EPHA5: variants seen among roughly 807,000 people sequenced by gnomAD.
EPHA5 encodes ephrin type-A receptor 5.
A neutral mutation model predicts 105.0 loss-of-function variants in EPHA5; 60 were observed. That is an observed-to-expected ratio of 0.57 (90% CI 0.46 to 0.71). The LOEUF is 0.71. Among genes scored for constraint, EPHA5 ranks in the 30% least tolerant of loss-of-function variants. EPHA5 has a pLI of 0.00. For synonymous variants in EPHA5, 513 were observed against 449.1 expected (o/e 1.14, Z -1.80); for missense variants, 1,218 against 1,274.7 (o/e 0.96, Z 0.68).
chr4:65,540,786 C>G (rs1393862212), intron 3 of EPHA5, among the ~76,000 whole-genome samples: 1 of 149,948 alleles, frequency 6.7e-6, no homozygotes, highest in East Asian at 1.9e-4. Flanking sequence ...TCTCTTCCCC[C>G]ATCCCCTCTC....
chr4:65,320,146 T>C lies in EPHA5; in HGVS notation c.*3968A>G, dbSNP rs1225046592. 1 of 230,232 alleles carries C rather than the reference T, an allele frequency of 4.3e-6. No homozygotes were observed. Among genetic ancestry groups the C allele is most frequent in the Non-Finnish European group, 8.6e-6 (1 of 116,164 alleles). 14.3% of individuals were successfully genotyped at this position (230,232 alleles called of 1,614,324 possible). On this transcript the variant is annotated 3_prime_UTR_variant, in exon 17 of 17. Coordinates refer to ENST00000613740, the MANE Select transcript of EPHA5 (RefSeq NM_001281766.3). ...ATTTATGTGTGAAAAGATTTCTTCA[T>C]AAATGAATAAGAAATGAAAAGAAAG... is the stretch of plus-strand genomic sequence containing the variant.
At chr4:65,556,276 C>T (rs1178974660) in intron 3 of EPHA5, among the ~76,000 whole-genome samples, 1 of 152,068 alleles carries the variant, frequency 6.6e-6, no homozygotes, top group African/African-American at 2.4e-5. Context: ...ACTGTGATGT[C>T]AATAAAATGT....
In EPHA5 at chr4:65,518,125, T is replaced by A. The variant is rs1376404469; in HGVS notation, c.911-22582A>T. On this transcript the variant is annotated intron_variant, in intron 3 of 16. Coordinates refer to ENST00000613740, the MANE Select transcript of EPHA5 (RefSeq NM_001281766.3). ...TTAAAAGTTTGAAGAACTAATTATTTCACCTTTGAAAAGCTGTGACATTTC... is the reference window on the plus strand; with the variant it reads ...TTAAAAGTTTGAAGAACTAATTATTACACCTTTGAAAAGCTGTGACATTTC... Among the ~76,000 whole-genome samples the A allele has an allele frequency of 1.1e-4, 17 of 152,076 alleles. 1 individual carries two copies. The East Asian group carries it at 3.3e-3, about 29-fold the overall frequency.
At chr4:65,331,612 T>G in intron 16 of EPHA5, 1 of 1,070,098 alleles carries the variant, frequency 9.3e-7, no homozygotes, top group Non-Finnish European at 1.1e-6. Flanking sequence ...ACACCAATTG[T>G]GCTTACAGTT....
chr4:65,419,967 A>C (rs1249867767), intron 6 of EPHA5, among the ~76,000 whole-genome samples: 1 of 152,214 alleles, frequency 6.6e-6, no homozygotes, highest in African/African-American at 2.4e-5. Flanking sequence ...AAATTTAAAC[A>C]TAAATTTTAT....
intron 15 of EPHA5, 33 bp downstream of exon 15, chr4:65,335,899 A>G (rs1488023318): frequency 6.4e-7 from 1 of 1,556,908 alleles, no homozygotes; most frequent in Admixed American, 1.9e-5. Flanking sequence ...AGTTAGCTAC[A>G]TTCTGGAAAA....
At chr4:65,415,510 T>C (rs190625027) in intron 6 of EPHA5, among the ~76,000 whole-genome samples, 204 of 152,200 alleles carry the variant, frequency 1.3e-3, no homozygotes, top group African/African-American at 4.8e-3. Context: ...ACCATTCCTT[T>C]TGTAATATGT....
rs1360299859 is a variant in EPHA5 at position 65,322,170 on chromosome 4, T to G, written c.*1944A>C. On this transcript the variant is annotated 3_prime_UTR_variant, in exon 17 of 17. Coordinates refer to ENST00000613740, the MANE Select transcript of EPHA5 (RefSeq NM_001281766.3). The stretch of plus-strand genomic sequence containing the variant: ...TGGACCCATGGTATATAGCCCTTAT[T>G]ATTATGAGAACTGAATGTATTATTT... The G allele has an allele frequency of 4.5e-6, 1 of 224,542 alleles. No individual in the cohort carries two copies. Among genetic ancestry groups the G allele is most frequent in the Non-Finnish European group, 8.9e-6 (1 of 112,542 alleles). 13.9% of individuals were successfully genotyped at this position (224,542 alleles called of 1,614,324 possible).
chr4:65,530,628 C>A (rs1005207608), intron 3 of EPHA5, among the ~76,000 whole-genome samples: 5 of 152,032 alleles, frequency 3.3e-5, no homozygotes, highest in African/African-American at 9.7e-5. Context: ...ATGTGGATAG[C>A]GAAGAAAATG....
chr4:65,467,326 G>T (rs1315358747), intron 5 of EPHA5, among the ~76,000 whole-genome samples: 1 of 152,052 alleles, frequency 6.6e-6, no homozygotes. Context: ...TGCAAAACTG[G>T]CCCCAATTCT....
At chr4:65,326,031 CATATAT>C (rs1011724770) in intron 16 of EPHA5, among the ~76,000 whole-genome samples, 1 of 146,232 alleles carries the variant, frequency 6.8e-6, no homozygotes, top group East Asian at 2.0e-4. Flanking sequence ...ATATATATCT[CATATAT>C]ATATGTATAT....
At chr4:65,541,040 C>T (rs542048337) in intron 3 of EPHA5, among the ~76,000 whole-genome samples, 4 of 151,390 alleles carry the variant, frequency 2.6e-5, no homozygotes, top group African/African-American at 9.7e-5. Context: ...TCTCTGTCTG[C>T]ACCTCCCTCC....
rs532786450 is a variant in EPHA5 at position 65,545,375 on chromosome 4, AATGAGGT to A, written c.911-49839_911-49833del. On this transcript the variant is annotated intron_variant, in intron 3 of 16. Coordinates refer to ENST00000613740, the MANE Select transcript of EPHA5 (RefSeq NM_001281766.3). ...TTTTCCAAAGTAACCCATCACTCCC[AATGAGGT>A]ATCTATGAAGATCGTATGTTGATGT... Among the ~76,000 whole-genome samples the A allele has an allele frequency of 6.7e-3, 1,024 of 151,888 alleles. 6 individuals carry two copies. Among genetic ancestry groups the A allele is most frequent in the South Asian group, 0.012 (58 of 4,832 alleles).
At chr4:65,328,215 A>G (rs1047054660) in intron 16 of EPHA5, among the ~76,000 whole-genome samples, 4 of 151,212 alleles carry the variant, frequency 2.6e-5, no homozygotes, top group African/African-American at 9.7e-5. Context: ...TAGCATTGTT[A>G]CATAAACATA....
chr4:65,600,761 T>A (rs1354739532), intron 3 of EPHA5, among the ~76,000 whole-genome samples: 2 of 152,128 alleles, frequency 1.3e-5, no homozygotes, highest in Admixed American at 6.6e-5. Flanking sequence ...TGAGGGTGAA[T>A]AATTTAAATA....
intron 5 of EPHA5, among the ~76,000 whole-genome samples, chr4:65,435,248 G>T (rs1725368088): frequency 6.6e-6 from 1 of 152,008 alleles, no homozygotes; most frequent in African/African-American, 2.4e-5. Flanking sequence ...AGGCGTCTTG[G>T]ATCAGTCCAT....
At position 65,659,728 on chromosome 4, in the gene EPHA5, C is replaced by T. The variant is rs1221535959; in HGVS notation, c.181+9834G>A. Among the ~76,000 whole-genome samples the T allele has an allele frequency of 2.6e-5, 4 of 152,084 alleles. No individual in the cohort carries two copies. In the East Asian group the frequency reaches 7.7e-4, roughly 29 times the overall value. ...GTGTGCATTTGTGAGCCTGCAAGCA[C>T]ACGCATACATTTTAAAAGTGGATCT... On this transcript the variant is annotated intron_variant, in intron 1 of 16. Coordinates refer to ENST00000613740, the MANE Select transcript of EPHA5 (RefSeq NM_001281766.3).
rs539707153 is a variant in EPHA5, at chr4:65,404,393, C to A, written c.1774G>T (p.Gly592Cys). ...TCTTACCTTCCACTGAGGAGGACGC[C>A]GATAACCACTGCCAACAAAATGACT... ...VGVILLAVVI[G>C]VLLSGRRCGY... is the part of the protein sequence containing the mutation. Residue 592 changes from glycine to cysteine, a missense_variant, in exon 8 of 17, where the codon GGC becomes TGC. By Grantham distance (159) the Gly-to-Cys change is radical. This residue lies in a region of EPHA5 where 971 missense variants were observed against 1,013.5 expected (regional missense o/e 0.96). Transcript: ENST00000613740. 4 of 1,613,440 alleles carry A rather than the reference C, an allele frequency of 2.5e-6. No homozygotes were observed. The Admixed American group carries it at 5.0e-5, about 20-fold the overall frequency.
Position 65,505,897 on chromosome 4 carries a change from C to A in EPHA5, c.911-10354G>T, listed in dbSNP as rs75858656. On this transcript the variant is annotated intron_variant, in intron 3 of 16. Coordinates refer to ENST00000613740, the MANE Select transcript of EPHA5 (RefSeq NM_001281766.3). ...TAAGTTTTAGGGTACATGTGCACAACGTGCAGGTTTGTTACATATGTATAC... is the reference window on the plus strand; with the variant it reads ...TAAGTTTTAGGGTACATGTGCACAAAGTGCAGGTTTGTTACATATGTATAC... 3.7e-3 allele frequency among the ~76,000 whole-genome samples: 562 copies of A among 152,068 alleles called. 10 individuals are homozygous for A. The East Asian group carries it at 0.051, about 14-fold the overall frequency.
Sources: gnomAD v4.1 joint callset for allele counts (sites outside exome capture counted in the v4.1 genomes callset) on GRCh38, gnomAD v4.1.1 for gene constraint, gnomAD v4.1.1 regional missense constraint, MANE v1.5 for transcripts, NCBI Gene and HGNC (gene_info 2026-07-23, HGNC 2026-07-21) for gene names.